CELF2: variants seen among roughly 807,000 people sequenced by gnomAD.
CELF2 encodes CUGBP Elav-like family member 2.
In CELF2, 8 loss-of-function variants were observed where a neutral mutation model predicts 62.6. That is an observed-to-expected ratio of 0.13 (90% confidence interval 0.07 to 0.23). CELF2 has a LOEUF of 0.23. CELF2 is among the 10% of genes least tolerant of loss of function. The pLI is 1.00. For synonymous variants in CELF2, 258 were observed against 250.0 expected, an observed-to-expected ratio of 1.03 and a Z score of -0.30; for missense variants, 333 against 671.0, an observed-to-expected ratio of 0.50 and a Z score of 5.56.
rs534889845 is a variant in CELF2 at position 10,871,857 on chromosome 10, G to A, written c.54-48107G>A. 2.0e-4 allele frequency among the ~76,000 whole-genome samples: 30 copies of A among 152,194 alleles called. No individual in the cohort carries two copies. The South Asian group carries it at 6.2e-3, about 32-fold the overall frequency. ...AGAAATTTGATAATTCAGCCCAAAC[G>A]AATACAATGCTGAAACATGCAAACG... On this transcript the variant is annotated intron_variant, in intron 1 of 13. Coordinates refer to the CELF2 transcript ENST00000636488.
chr10:11,046,340 A>G lies in CELF2; in HGVS notation c.74+28177A>G, dbSNP rs1291875. Among the ~76,000 whole-genome samples, 60,554 of 152,068 alleles carry G rather than the reference A, an allele frequency of 0.4. 14,685 individuals carry two copies. Among genetic ancestry groups the G allele is most frequent in the African/African-American group, 0.67 (27,921 of 41,452 alleles). ...CCGGTCAGAAAATCACAGATTGCCA[A>G]CTGCTGCTGGATGCAATTTGGATCT... is the stretch of plus-strand genomic sequence containing the variant. On this transcript the variant is annotated intron_variant, in intron 1 of 12. Transcript: ENST00000633077. The surrounding 1 kb of genome is among the most constrained non-coding windows in gnomAD (Gnocchi z 4.6).
At position 11,269,938 on chromosome 10, in the gene CELF2, C is replaced by G. The variant is rs185642032; in HGVS notation, c.619-728C>G. ...CAAGTGGACTCCTCCGTCTGCTGTT[C>G]ACGGTCTATCTTCTTTGGCTAGAAT... On this transcript the variant is annotated intron_variant, in intron 6 of 12. Coordinates refer to ENST00000633077, the MANE Select transcript of CELF2 (RefSeq NM_001326342.2). This position sits in a 1 kb window ranked among gnomAD's most constrained non-coding sequence, Gnocchi z 4.4. 2.3e-3 allele frequency among the ~76,000 whole-genome samples: 348 copies of G among 152,296 alleles called. No individual in the cohort carries two copies. The highest frequency in any genetic ancestry group is 4.1e-3 in the Non-Finnish European group (276 of 68,022).
At chr10:10,718,049 G>A in the CELF2 span, among the ~76,000 whole-genome samples, 2 of 152,268 alleles carry the variant, frequency 1.3e-5, no homozygotes, top group East Asian at 3.9e-4. Context: ...CGTCTTTGGT[G>A]TTAAAAACAA....
intron 1 of CELF2, among the ~76,000 whole-genome samples, chr10:10,846,949 C>T (rs1012395599): frequency 6.6e-6 from 1 of 152,160 alleles, no homozygotes; most frequent in Admixed American, 6.6e-5. Context: ...GCAATTTTCT[C>T]ATACCTGCCG....
rs571942397 is a variant in CELF2, at chr10:11,043,448, G to A, written c.74+25285G>A. Reference sequence around the variant, plus strand: ...GTTGGTTTCTGTGATCTCTGATGCAGTCCAGTTGTGTGTTTCTAGCCTCAA... The same window carrying A: ...GTTGGTTTCTGTGATCTCTGATGCAATCCAGTTGTGTGTTTCTAGCCTCAA... On this transcript the variant is annotated intron_variant, in intron 1 of 12. Transcript: ENST00000633077. Among the ~76,000 whole-genome samples the A allele has an allele frequency of 2.0e-5, 3 of 152,330 alleles. No individual in the cohort carries two copies. In the South Asian group the frequency reaches 6.2e-4, roughly 32 times the overall value.
chr10:11,167,746 G>A (rs1301586366), intron 2 of CELF2, among the ~76,000 whole-genome samples: 1 of 152,236 alleles, frequency 6.6e-6, no homozygotes, highest in African/African-American at 2.4e-5. Flanking sequence ...AGGGAGGCCT[G>A]ATGAGGGAAG....
chr10:11,118,334 G>A lies in CELF2; in HGVS notation c.75-47152G>A, dbSNP rs140006100. ...TTGTTTTCCTCTTAAGTGGCATGCT[G>A]AAAAACCACATTCATCTATGGGGAG... On this transcript the variant is annotated intron_variant, in intron 1 of 12. Transcript: ENST00000633077. Among the ~76,000 whole-genome samples, 248 of 152,114 alleles carry A rather than the reference G, an allele frequency of 1.6e-3. 2 individuals are homozygous for A. The highest frequency in any genetic ancestry group is 5.6e-3 in the African/African-American group (234 of 41,508).
chr10:10,934,303 C>A lies in CELF2; in HGVS notation c.89+14304C>A, dbSNP rs1243630659. On this transcript the variant is annotated intron_variant, in intron 2 of 13. Coordinates refer to the CELF2 transcript ENST00000636488. This position sits in a 1 kb window ranked among gnomAD's most constrained non-coding sequence, Gnocchi z 4.4. ...GTGGGAAGAGCCAGCAGCTTGTAAA[C>A]TCCTCGAGGAGTGGCCCCAAGTCTA... is the stretch of plus-strand genomic sequence containing the variant. Among the ~76,000 whole-genome samples, 1 of 152,214 alleles carries A rather than the reference C, an allele frequency of 6.6e-6. No homozygotes were observed. Among genetic ancestry groups the A allele is most frequent in the Non-Finnish European group, 1.5e-5 (1 of 68,042 alleles).
intron 1 of CELF2, among the ~76,000 whole-genome samples, chr10:11,155,540 A>G (rs1474109453): frequency 3.3e-5 from 5 of 152,172 alleles, no homozygotes; most frequent in Admixed American, 3.3e-4. Context: ...TCCGGATGGG[A>G]AGTTTGTGAC....
At chr10:10,668,276 C>T in the CELF2 span, among the ~76,000 whole-genome samples, 2 of 152,280 alleles carry the variant, frequency 1.3e-5, no homozygotes, top group South Asian at 4.1e-4. Flanking sequence ...CTCAGGTCCC[C>T]TTTTAATCTT....
chr10:10,776,829 C>A, the CELF2 span, among the ~76,000 whole-genome samples: 4 of 152,182 alleles, frequency 2.6e-5, no homozygotes, highest in Non-Finnish European at 5.9e-5. Context: ...TTCTTTAGGC[C>A]TTATTTTCCC....
intron 1 of CELF2, among the ~76,000 whole-genome samples, chr10:11,050,503 G>A (rs1475212908): frequency 6.6e-6 from 1 of 152,142 alleles, no homozygotes; most frequent in Non-Finnish European, 1.5e-5. Flanking sequence ...ATTTGGTTCT[G>A]CTGGACTGTA....
the CELF2 span, among the ~76,000 whole-genome samples, chr10:10,721,360 G>C: frequency 2.6e-5 from 4 of 152,164 alleles, no homozygotes; most frequent in African/African-American, 9.7e-5. Context: ...AGATACACTT[G>C]GAATTTAGAA....
intron 1 of CELF2, among the ~76,000 whole-genome samples, chr10:11,022,312 C>T (rs1418626889): frequency 6.6e-6 from 1 of 152,144 alleles, no homozygotes; most frequent in Non-Finnish European, 1.5e-5. Flanking sequence ...CTGATGTTAT[C>T]TTTGATCTGG....
chr10:10,748,084 G>C, the CELF2 span, among the ~76,000 whole-genome samples: 1 of 152,166 alleles, frequency 6.6e-6, no homozygotes, highest in Non-Finnish European at 1.5e-5. Context: ...GGCTGTATAG[G>C]GTGGGGGGAA....
chr10:10,672,271 C>T, the CELF2 span, among the ~76,000 whole-genome samples: 1 of 152,244 alleles, frequency 6.6e-6, no homozygotes, highest in South Asian at 2.1e-4. Flanking sequence ...TCTAATATTC[C>T]TTTCAAGGTT....
chr10:10,961,365 G>A lies in CELF2; in HGVS notation c.89+41366G>A, dbSNP rs191756630. Among the ~76,000 whole-genome samples, 134 of 152,252 alleles carry A rather than the reference G, an allele frequency of 8.8e-4. 1 individual carries two copies. The highest frequency in any genetic ancestry group is 3.4e-3 in the Middle Eastern group (1 of 294). ...GTGAAATGTTACCATATTAAAGTAA[G>A]GAGTGGGTGATATTCTCATCCAGGT... On this transcript the variant is annotated intron_variant, in intron 2 of 13. Transcript: ENST00000636488.
At chr10:10,582,237 T>G in the CELF2 span, among the ~76,000 whole-genome samples, 1 of 152,170 alleles carries the variant, frequency 6.6e-6, no homozygotes, top group Non-Finnish European at 1.5e-5. Flanking sequence ...TTAACTAGTT[T>G]ATGTCAGTAT....
At chr10:10,520,539 C>T in the CELF2 span, among the ~76,000 whole-genome samples, 1 of 152,128 alleles carries the variant, frequency 6.6e-6, no homozygotes, top group Non-Finnish European at 1.5e-5. Context: ...CCACGCTGAG[C>T]TTTGAGCTGC....
Sources: allele counts gnomAD v4.1 joint callset (sites outside exome capture counted in the v4.1 genomes callset), GRCh38; gene constraint gnomAD v4.1.1; non-coding constraint Gnocchi (gnomAD v3.1); transcripts MANE v1.5; gene names NCBI Gene and HGNC (gene_info 2026-07-23, HGNC 2026-07-21).